The following AMOTL1 variants were observed in gnomAD, a reference collection of about 807,000 sequenced individuals.
The protein encoded by AMOTL1 is angiomotin like 1.
Under a neutral mutation model 102.9 loss-of-function variants are expected in AMOTL1, and 45 were observed. The observed-to-expected ratio is 0.44, with a 90% CI of 0.34 to 0.56. The LOEUF is 0.56. Among genes scored for constraint, AMOTL1 ranks in the 20% least tolerant of loss-of-function variants. AMOTL1 has a pLI of 0.01. For missense variants in AMOTL1, 1,114 were observed against 1,225.6 expected, an observed-to-expected ratio of 0.91 and a Z score of 1.36; for synonymous variants, 481 against 484.7, an observed-to-expected ratio of 0.99 and a Z score of 0.10.
chr11:94,752,557 G>A (rs911968069), intron 3 of AMOTL1, among the ~76,000 whole-genome samples: 11 of 152,276 alleles, frequency 7.2e-5, no homozygotes, highest in African/African-American at 2.6e-4. Flanking sequence ...TGTCAAATAT[G>A]TATAAACATT....
chr11:94,825,881 A>G lies in AMOTL1; in HGVS notation c.1413+4060A>G, dbSNP rs182931273. ...AGTAATCCTTGTGTCATTCTCTGAA[A>G]GGAGGTATTCATCTTTTACTTGAAT... is the stretch of plus-strand genomic sequence containing the variant. On this transcript the variant is annotated intron_variant, in intron 4 of 12. Transcript: ENST00000433060. Among the ~76,000 whole-genome samples the G allele has an allele frequency of 2.0e-4, 30 of 152,376 alleles. No individual in the cohort carries two copies. The East Asian group carries it at 4.4e-3, about 23-fold the overall frequency.
In AMOTL1 at chr11:94,873,776, TACAC is replaced by T. The variant is rs149500556; in HGVS notation, c.*3015_*3018del. ...TGTGATGTGTGTGTGCACGTGTAAC[TACAC>T]ACACACACACACACACACACACACA... On this transcript the variant is annotated 3_prime_UTR_variant, in exon 13 of 13. Coordinates refer to ENST00000433060, the MANE Select transcript of AMOTL1 (RefSeq NM_130847.3). 0.067 allele frequency: 9,512 copies of T among 142,462 alleles called. 423 individuals are homozygous for T. The highest frequency in any genetic ancestry group is 0.14 in the African/African-American group (5,539 of 39,402). 8.8% of individuals were successfully genotyped at this position (142,462 alleles called of 1,614,324 possible). A position where few individuals can be genotyped will look rare whatever the true frequency, so the allele number is the denominator to read the frequency against.
chr11:94,786,823 A>G (rs1415239932), intron 1 of AMOTL1, among the ~76,000 whole-genome samples: 1 of 152,218 alleles, frequency 6.6e-6, no homozygotes, highest in Non-Finnish European at 1.5e-5. Flanking sequence ...ACATGCTTAT[A>G]ACTAGTTATT....
intron 3 of AMOTL1, among the ~76,000 whole-genome samples, chr11:94,750,860 C>T (rs1235081816): frequency 2.6e-5 from 4 of 152,190 alleles, no homozygotes; most frequent in Non-Finnish European, 5.9e-5. Context: ...GTAACTCAGT[C>T]TTTTCCATGA....
chr11:94,746,103 C>T (rs965335562), intron 3 of AMOTL1, among the ~76,000 whole-genome samples: 1 of 152,024 alleles, frequency 6.6e-6, no homozygotes, highest in African/African-American at 2.4e-5. Flanking sequence ...CTCAGTGTTG[C>T]AGCAAGATCA....
chr11:94,737,610 T>C (rs910593062), intron 2 of AMOTL1, among the ~76,000 whole-genome samples: 3 of 152,222 alleles, frequency 2.0e-5, no homozygotes, highest in Non-Finnish European at 4.4e-5. Context: ...AGAACCCAGG[T>C]CTGGCTGATC....
chr11:94,755,896 G>C (rs1046488508), intron 3 of AMOTL1, among the ~76,000 whole-genome samples: 20 of 152,186 alleles, frequency 1.3e-4, no homozygotes, highest in African/African-American at 4.8e-4. Flanking sequence ...CAAGGACAGA[G>C]GGCTTTCTGT....
In AMOTL1 at chr11:94,799,337, A is replaced by T; in HGVS notation, c.200-53A>T. 7.2e-7 allele frequency: 1 copy of T among 1,386,940 alleles called. No homozygotes were observed. The highest frequency in any genetic ancestry group is 9.8e-7 in the Non-Finnish European group (1 of 1,023,130). The allele number at this position is 1,386,940 out of a possible 1,614,324, so 85.9% of individuals were successfully genotyped here. ...AATTATGTACCACATAGTCACAGAC[A>T]TATATCTCCTGTGGAGCTGCCTGAT... On this transcript the variant is annotated intron_variant, in intron 2 of 12. Coordinates refer to ENST00000433060, the MANE Select transcript of AMOTL1 (RefSeq NM_130847.3). This position sits in a 1 kb window ranked among gnomAD's most constrained non-coding sequence, Gnocchi z 4.5.
chr11:94,722,967 T>C (rs1565327234), intron 1 of AMOTL1, among the ~76,000 whole-genome samples: 1 of 152,176 alleles, frequency 6.6e-6, no homozygotes, highest in Non-Finnish European at 1.5e-5. Flanking sequence ...ATTTGTTTTC[T>C]TTTTTCTTTG....
intron 3 of AMOTL1, among the ~76,000 whole-genome samples, chr11:94,759,476 C>A (rs1950765452): frequency 6.6e-6 from 1 of 150,484 alleles, no homozygotes; most frequent in Admixed American, 6.7e-5. Flanking sequence ...TTCTGCTCAC[C>A]ATATATGGAT....
chr11:94,751,287 A>G (rs553085184), intron 3 of AMOTL1, among the ~76,000 whole-genome samples: 1 of 152,250 alleles, frequency 6.6e-6, no homozygotes, highest in South Asian at 2.1e-4. Context: ...TATTGATCTG[A>G]AACAACAACC....
At chr11:94,737,641 C>A (rs557973230) in intron 2 of AMOTL1, among the ~76,000 whole-genome samples, 1 of 152,348 alleles carries the variant, frequency 6.6e-6, no homozygotes, top group Admixed American at 6.5e-5. Flanking sequence ...CTATAGGTCA[C>A]CTCTCTTGAG....
At chr11:94,796,974 A>G in intron 2 of AMOTL1, 1 of 985,422 alleles carries the variant, frequency 1.0e-6, no homozygotes, top group South Asian at 4.7e-5. Flanking sequence ...AGACTGAGAA[A>G]AACGAGCGTG....
intron 4 of AMOTL1, among the ~76,000 whole-genome samples, chr11:94,825,209 G>A (rs887976249): frequency 5.3e-5 from 8 of 152,196 alleles, no homozygotes; most frequent in Non-Finnish European, 8.8e-5. Context: ...GGGAATAGAC[G>A]GGCACTTGAT....
At chr11:94,754,463 AC>A (rs1435296096) in intron 3 of AMOTL1, among the ~76,000 whole-genome samples, 1 of 152,178 alleles carries the variant, frequency 6.6e-6, no homozygotes, top group Admixed American at 6.5e-5. Flanking sequence ...TGGGACTGTA[AC>A]CTTGTTATCT....
intron 9 of AMOTL1, among the ~76,000 whole-genome samples, chr11:94,860,699 A>G (rs1191748535): frequency 2.0e-5 from 3 of 152,210 alleles, no homozygotes; most frequent in Non-Finnish European, 4.4e-5. Context: ...AATTCAGGAT[A>G]AATTTATGTG....
intron 3 of AMOTL1, among the ~76,000 whole-genome samples, chr11:94,755,082 G>A (rs1415740015): frequency 6.6e-6 from 1 of 152,098 alleles, no homozygotes; most frequent in Non-Finnish European, 1.5e-5. Context: ...TGCTTACATC[G>A]ATGAGACTTG....
chr11:94,772,755 A>G (rs1294688976), intron 1 of AMOTL1, among the ~76,000 whole-genome samples: 1 of 152,188 alleles, frequency 6.6e-6, no homozygotes, highest in East Asian at 1.9e-4. Context: ...ATTGTATGGT[A>G]AGTGTGTGTT....
chr11:94,874,798 T>C lies in AMOTL1; in HGVS notation c.*4003T>C, dbSNP rs1463928435. The C allele has an allele frequency of 1.3e-5, 2 of 152,112 alleles. No individual in the cohort carries two copies. Among genetic ancestry groups the C allele is most frequent in the Non-Finnish European group, 2.9e-5 (2 of 68,036 alleles). The allele number at this position is 152,112 out of a possible 1,614,324, so 9.4% of individuals were successfully genotyped here. ...GACCTCAGAAGCAGTGGATAATAGA[T>C]TGGGGCATTAAAAGCTTTTGAGGCA... On this transcript the variant is annotated 3_prime_UTR_variant, in exon 13 of 13. Coordinates refer to ENST00000433060, the MANE Select transcript of AMOTL1 (RefSeq NM_130847.3).
Sources: gnomAD v4.1 joint callset for allele counts (sites outside exome capture counted in the v4.1 genomes callset) on GRCh38, gnomAD v4.1.1 for gene constraint, Gnocchi (gnomAD v3.1) non-coding constraint, MANE v1.5 for transcripts, NCBI Gene and HGNC (gene_info 2026-07-23, HGNC 2026-07-21) for gene names.